The following CCDC141 variants were observed in gnomAD, a reference collection of about 807,000 sequenced individuals.
CCDC141 encodes coiled-coil domain-containing protein 141.
Under a neutral mutation model 181.0 loss-of-function variants are expected in CCDC141, and 168 were observed. The observed-to-expected ratio is 0.93, with a 90% CI of 0.82 to 1.05. The LOEUF is 1.05. Among genes scored for constraint, CCDC141 ranks in the 50% least tolerant of loss-of-function variants. The probability of loss-of-function intolerance (pLI) is 0.00; values close to 1 mark genes in which losing one functional copy is unlikely to be tolerated. For synonymous variants in CCDC141, 666 were observed against 642.3 expected, an observed-to-expected ratio of 1.04 and a Z score of -0.56; for missense variants, 1,902 against 1,788.5, an observed-to-expected ratio of 1.06 and a Z score of -1.14.
intron 8 of CCDC141, among the ~76,000 whole-genome samples, chr2:178,900,614 A>T (rs1687639537): frequency 2.0e-5 from 3 of 152,204 alleles, no homozygotes; most frequent in Admixed American, 2.0e-4. Context: ...AAAAATAGTC[A>T]ATAGAACCTC....
chr2:178,872,016 C>A, intron 13 of CCDC141, 117 bp downstream of exon 13: 1 of 1,011,620 alleles, frequency 9.9e-7, no homozygotes, highest in Non-Finnish European at 1.4e-6. Context: ...TGGAATCACA[C>A]GATATTTATC....
At position 178,970,947 on chromosome 2, in the gene CCDC141, C is replaced by T. The variant is rs566093832; in HGVS notation, c.526+4110G>A. ...GACAAAGGCCGGGCACAGTGGCTCA[C>T]GCCTGTAATCCCAGCACTTCGGGAG... On this transcript the variant is annotated intron_variant, in intron 4 of 23. Transcript: ENST00000443758. 1.5e-4 allele frequency among the ~76,000 whole-genome samples: 23 copies of T among 152,292 alleles called. No homozygotes were observed. The East Asian group carries it at 1.7e-3, about 12-fold the overall frequency.
intron 23 of CCDC141, among the ~76,000 whole-genome samples, chr2:178,835,549 T>C (rs899977720): frequency 1.3e-5 from 2 of 152,236 alleles, no homozygotes; most frequent in Non-Finnish European, 2.9e-5. Flanking sequence ...TTGCCTTTTC[T>C]TGGGTATCCT....
intron 2 of CCDC141, among the ~76,000 whole-genome samples, chr2:179,033,015 T>G (rs140587533): frequency 1.7e-4 from 25 of 144,974 alleles, no homozygotes; most frequent in African/African-American, 5.5e-4. Context: ...ATATAATATA[T>G]AATATTATAT....
chr2:178,843,541 C>T (rs1482013478), intron 22 of CCDC141, among the ~76,000 whole-genome samples: 1 of 152,100 alleles, frequency 6.6e-6, no homozygotes, highest in East Asian at 1.9e-4. Flanking sequence ...TAGTGAATTG[C>T]CTAATTCCAC....
At position 178,961,107 on chromosome 2, in the gene CCDC141, T is replaced by C. The variant is rs1469050327; in HGVS notation, c.780+123A>G. 2.9e-6 allele frequency: 3 copies of C among 1,052,220 alleles called. No homozygotes were observed. The African/African-American group carries it at 5.0e-5, about 17-fold the overall frequency. 65.2% of individuals were successfully genotyped at this position (1,052,220 alleles called of 1,614,324 possible). ...ACAACATGGTAGTTTGGATGAAAGC[T>C]TTTTGGACCAAAGACCAAAAGATTT... On this transcript the variant is annotated intron_variant, in intron 5 of 23. Coordinates refer to ENST00000443758, the MANE Select transcript of CCDC141 (RefSeq NM_173648.4).
chr2:178,868,707 A>G (rs868707384), intron 15 of CCDC141, among the ~76,000 whole-genome samples: 1 of 151,908 alleles, frequency 6.6e-6, no homozygotes, highest in South Asian at 2.1e-4. Context: ...AGCTATGCTT[A>G]TCAAAAAGTA....
At chr2:179,021,168 A>G (rs1283962408) in intron 2 of CCDC141, among the ~76,000 whole-genome samples, 1 of 152,202 alleles carries the variant, frequency 6.6e-6, no homozygotes, top group African/African-American at 2.4e-5. Flanking sequence ...TTCACTAAGA[A>G]GTAGGTTGTA....
At chr2:178,871,589 T>C in intron 13 of CCDC141, 37 bp from the exon 14 acceptor site, 1 of 1,603,428 alleles carries the variant, frequency 6.2e-7, no homozygotes, top group Non-Finnish European at 8.5e-7. Context: ...ATGCATTTTC[T>C]TTGACATCTC....
At chr2:179,023,204 CACTT>C (rs2042736789) in intron 2 of CCDC141, among the ~76,000 whole-genome samples, 1 of 152,172 alleles carries the variant, frequency 6.6e-6, no homozygotes, top group Non-Finnish European at 1.5e-5. Flanking sequence ...AATCATTCAG[CACTT>C]ACTATGTGTG....
chr2:178,907,515 C>T (rs1260615360), intron 7 of CCDC141, among the ~76,000 whole-genome samples: 2 of 152,170 alleles, frequency 1.3e-5, no homozygotes, highest in Non-Finnish European at 2.9e-5. Flanking sequence ...TATGTCTCTG[C>T]CTTTCCTTCT....
At chr2:178,881,283 G>A (rs1171041973) in intron 11 of CCDC141, among the ~76,000 whole-genome samples, 3 of 152,156 alleles carry the variant, frequency 2.0e-5, no homozygotes, top group Non-Finnish European at 4.4e-5. Context: ...GACTAAAAAT[G>A]TATGCCAGTG....
chr2:178,969,844 T>C (rs1027192849), intron 4 of CCDC141, among the ~76,000 whole-genome samples: 6 of 152,234 alleles, frequency 3.9e-5, no homozygotes, highest in Admixed American at 3.9e-4. Flanking sequence ...TGTCTCTGTT[T>C]GCAGATGACA....
chr2:178,866,764 C>T (rs996480368), intron 16 of CCDC141, among the ~76,000 whole-genome samples: 4 of 152,002 alleles, frequency 2.6e-5, no homozygotes, highest in Non-Finnish European at 2.9e-5. Context: ...TTTACTCTGT[C>T]GCCCAGGCTG....
rs577843548 is a variant in CCDC141, at chr2:178,855,982, CAT to C, written c.2865+273_2865+274del. Among the ~76,000 whole-genome samples, 17 of 152,128 alleles carry C rather than the reference CAT, an allele frequency of 1.1e-4. No individual in the cohort carries two copies. In the East Asian group the frequency reaches 2.7e-3, roughly 24 times the overall value. On this transcript the variant is annotated intron_variant, in intron 18 of 23. Transcript: ENST00000443758. Reference sequence around the variant, plus strand: ...AGTGTAGAAGGCACGTGCATGCATCCATGTGTGTGTGTATGTGTTGGGGAGAA... The same window carrying C: ...AGTGTAGAAGGCACGTGCATGCATCCGTGTGTGTGTATGTGTTGGGGAGAA...
rs148396846 is a variant in CCDC141, at chr2:178,883,825, T to C, written c.1719+1076A>G. Reference sequence around the variant, plus strand: ...ATGACAGCTTCAAGAAGCAATGACCTTTGAGATGGAATCCAGTGTACTAGA... The same window carrying C: ...ATGACAGCTTCAAGAAGCAATGACCCTTGAGATGGAATCCAGTGTACTAGA... On this transcript the variant is annotated intron_variant, in intron 11 of 23. Coordinates refer to ENST00000443758, the MANE Select transcript of CCDC141 (RefSeq NM_173648.4). 1.9e-3 allele frequency among the ~76,000 whole-genome samples: 294 copies of C among 152,088 alleles called. 6 individuals carry two copies. In the South Asian group the frequency reaches 0.021, roughly 11 times the overall value.
intron 7 of CCDC141, among the ~76,000 whole-genome samples, chr2:178,907,572 A>G (rs1039171805): frequency 2.6e-5 from 4 of 152,246 alleles, no homozygotes; most frequent in African/African-American, 7.2e-5. Flanking sequence ...TTTCTCTTAT[A>G]CTATAGGACT....
chr2:179,044,632 C>T (rs2043426105), intron 2 of CCDC141, among the ~76,000 whole-genome samples: 1 of 152,140 alleles, frequency 6.6e-6, no homozygotes, highest in Admixed American at 6.5e-5. Context: ...CTGGGAAATG[C>T]TGGCTGGGCA....
intron 7 of CCDC141, among the ~76,000 whole-genome samples, chr2:178,917,759 C>A (rs929755560): frequency 2.0e-5 from 3 of 152,170 alleles, no homozygotes; most frequent in African/African-American, 4.8e-5. Context: ...GAACCACCTG[C>A]TGCAATCAAT....
Sources: allele counts gnomAD v4.1 joint callset (sites outside exome capture counted in the v4.1 genomes callset), GRCh38; gene constraint gnomAD v4.1.1; transcripts MANE v1.5; gene names NCBI Gene and HGNC (gene_info 2026-07-23, HGNC 2026-07-21).